The following HS6ST2 variants were observed in gnomAD, a reference collection of about 807,000 sequenced individuals.
HS6ST2 encodes heparan sulfate 6-O-sulfotransferase 2, also known as heparan-sulfate 6-O-sulfotransferase 2.
HS6ST2 carries 17 observed loss-of-function variants against 33.0 expected under a neutral mutation model. The observed-to-expected ratio is 0.52, with a 90% CI of 0.35 to 0.77. The LOEUF (loss-of-function observed/expected upper bound fraction) is 0.77, where lower values mean the gene tolerates loss of function less well. Ranked by LOEUF, HS6ST2 falls within the 30% of genes least tolerant of loss-of-function variation. The probability of loss-of-function intolerance (pLI) is 0.01; values close to 1 mark genes in which losing one functional copy is unlikely to be tolerated. For missense variants in HS6ST2, 519 were observed against 551.7 expected (o/e 0.94, Z 0.59); for synonymous variants, 248 against 237.1 (o/e 1.05, Z -0.42).
Position 132,921,485 on chromosome X carries a change from A to G in HS6ST2, c.947+35323T>C, listed in dbSNP as rs139972949. Among the ~76,000 whole-genome samples the G allele has an allele frequency of 3.4e-3, 377 of 112,251 alleles. 1 individual carries two copies. Among genetic ancestry groups the G allele is most frequent in the African/African-American group, 0.011 (355 of 30,898 alleles). On this transcript the variant is annotated intron_variant, in intron 2 of 4. Coordinates refer to ENST00000370833, the MANE Select transcript of HS6ST2 (RefSeq NM_001394073.1). ...GAATTTATGGTGCTTAAAAATTATA[A>G]TTTTGCTTATTCAACATACAATAAT...
intron 2 of HS6ST2, among the ~76,000 whole-genome samples, chrX:132,810,037 T>C (rs768563764): frequency 1.8e-5 from 2 of 111,603 alleles, no homozygotes; most frequent in African/African-American, 3.3e-5. Flanking sequence ...GAACGTTCAA[T>C]GATGCTGGTT....
intron 2 of HS6ST2, among the ~76,000 whole-genome samples, chrX:132,917,119 G>T (rs1055202696): frequency 9.0e-6 from 1 of 111,708 alleles, no homozygotes; most frequent in Non-Finnish European, 1.9e-5. Context: ...AACATATGGT[G>T]CTTTGGATTT....
chrX:132,924,736 C>G (rs1356204927), intron 2 of HS6ST2, among the ~76,000 whole-genome samples: 2 of 111,655 alleles, frequency 1.8e-5, no homozygotes, highest in East Asian at 2.8e-4. Context: ...GTCCATAATC[C>G]CAGGACTTTG....
chrX:132,682,111 C>T (rs1299568751), intron 3 of HS6ST2, among the ~76,000 whole-genome samples: 1 of 112,403 alleles, frequency 8.9e-6, no homozygotes, highest in Non-Finnish European at 1.9e-5. Context: ...CTTCCCTTAA[C>T]GTTGGTGAGA....
chrX:132,776,170 C>T (rs148684652), intron 2 of HS6ST2, among the ~76,000 whole-genome samples: 4 of 111,576 alleles, frequency 3.6e-5, no homozygotes, highest in South Asian at 3.8e-4. Flanking sequence ...GAGAAAGTGC[C>T]GGCAAAATTG....
intron 2 of HS6ST2, among the ~76,000 whole-genome samples, chrX:132,904,559 G>A (rs1835566811): frequency 9.5e-6 from 1 of 104,930 alleles, no homozygotes; most frequent in Admixed American, 1.1e-4. Flanking sequence ...GTGTGTGTGT[G>A]TATAGAGACA....
intron 3 of HS6ST2, among the ~76,000 whole-genome samples, chrX:132,706,810 G>C (rs1368933390): frequency 8.9e-6 from 1 of 112,103 alleles, no homozygotes; most frequent in Non-Finnish European, 1.9e-5. Context: ...CTTTACTAGT[G>C]GTTGAAAAAT....
chrX:132,913,341 A>G (rs966652192), intron 2 of HS6ST2, among the ~76,000 whole-genome samples: 5 of 112,375 alleles, frequency 4.4e-5, no homozygotes, highest in Non-Finnish European at 9.4e-5. Context: ...GGGCAACAGG[A>G]CTGAAAGAGC....
At chrX:132,848,395 C>G (rs1349621491) in intron 2 of HS6ST2, among the ~76,000 whole-genome samples, 1 of 112,558 alleles carries the variant, frequency 8.9e-6, no homozygotes, top group African/African-American at 3.2e-5. Flanking sequence ...CCAAAGCTAA[C>G]TCAAAAGGAA....
rs780917977 is a variant in HS6ST2 at position 132,794,571 on chromosome X, G to GATTATTATTATT, written c.948-86078_948-86077insAATAATAATAAT. On this transcript the variant is annotated intron_variant, in intron 2 of 4. Transcript: ENST00000370833. ...ACCACTCCTGGATGATGATGATGAT[G>GATTATTATTATT]ATGATTATTATTATTATTATTATTA... Among the ~76,000 whole-genome samples, 223 of 98,863 alleles carry GATTATTATTATT rather than the reference G, an allele frequency of 2.3e-3. 1 individual carries two copies. Among genetic ancestry groups the GATTATTATTATT allele is most frequent in the African/African-American group, 7.8e-3 (196 of 25,020 alleles). The allele number at this position is 98,863 out of a possible 115,157, so 85.9% of individuals were successfully genotyped here.
At chrX:132,931,183 T>A (rs1247887832) in intron 2 of HS6ST2, among the ~76,000 whole-genome samples, 1 of 111,446 alleles carries the variant, frequency 9.0e-6, no homozygotes, top group Non-Finnish European at 1.9e-5. Flanking sequence ...CATGATCTAC[T>A]CCCTCCCCTT....
At chrX:132,747,893 A>G (rs1242159816) in intron 2 of HS6ST2, among the ~76,000 whole-genome samples, 2 of 111,566 alleles carry the variant, frequency 1.8e-5, no homozygotes, top group Admixed American at 1.9e-4. Context: ...AGGAAACTGC[A>G]GGCTGGCCAG....
intron 2 of HS6ST2, among the ~76,000 whole-genome samples, chrX:132,820,417 G>T (rs1339835005): frequency 9.0e-6 from 1 of 111,669 alleles, no homozygotes; most frequent in Non-Finnish European, 1.9e-5. Flanking sequence ...AGGTAGGAGA[G>T]GGGGCAGCCA....
In HS6ST2 at chrX:132,950,540, T is replaced by C. The variant is rs188176052; in HGVS notation, c.947+6268A>G. On this transcript the variant is annotated intron_variant, in intron 2 of 4. Coordinates refer to ENST00000370833, the MANE Select transcript of HS6ST2 (RefSeq NM_001394073.1). ...TGGTGATATATGTTGGGTTTTGCTT[T>C]GTTTGTTTGTTTGTTTTAATCAGGG... Among the ~76,000 whole-genome samples the C allele has an allele frequency of 3.0e-3, 339 of 112,042 alleles. 2 individuals are homozygous for C. The highest frequency in any genetic ancestry group is 0.01 in the African/African-American group (320 of 30,856).
chrX:132,909,670 T>C (rs1372216018), intron 2 of HS6ST2, among the ~76,000 whole-genome samples: 1 of 111,905 alleles, frequency 8.9e-6, no homozygotes, highest in African/African-American at 3.3e-5. Context: ...GTTTAATATA[T>C]GACCCAGATG....
At chrX:132,630,689 G>A (rs758675518) in intron 4 of HS6ST2, among the ~76,000 whole-genome samples, 1 of 112,108 alleles carries the variant, frequency 8.9e-6, no homozygotes, top group African/African-American at 3.2e-5. Context: ...GCTCATGCCT[G>A]TAATCCCAGC....
intron 2 of HS6ST2, among the ~76,000 whole-genome samples, chrX:132,889,396 G>C (rs2066284075): frequency 9.0e-6 from 1 of 111,290 alleles, no homozygotes; most frequent in Admixed American, 9.6e-5. Context: ...CAGGATACAG[G>C]AGAGTGTGAA....
intron 2 of HS6ST2, among the ~76,000 whole-genome samples, chrX:132,830,109 T>G (rs760565018): frequency 8.0e-5 from 9 of 111,932 alleles, no homozygotes; most frequent in African/African-American, 2.6e-4. Context: ...ACCCAAAGGT[T>G]TCTGGATGGA....
At chrX:132,956,392 G>A (rs755432150) in intron 2 of HS6ST2, among the ~76,000 whole-genome samples, 2 of 111,138 alleles carry the variant, frequency 1.8e-5, no homozygotes, top group East Asian at 5.8e-4. Flanking sequence ...AGGAGGAAGA[G>A]AGCGCTGAAA....
Sources: allele counts gnomAD v4.1 joint callset (sites outside exome capture counted in the v4.1 genomes callset), GRCh38; gene constraint gnomAD v4.1.1; transcripts MANE v1.5; gene names NCBI Gene and HGNC (gene_info 2026-07-23, HGNC 2026-07-21).